Variants in NAALADL2 observed in about 807,000 individuals in gnomAD.
The protein encoded by NAALADL2 is inactive N-acetylated-alpha-linked acidic dipeptidase-like protein 2.
In NAALADL2, 76 loss-of-function variants were observed where a neutral mutation model predicts 87.2. The ratio of observed to expected loss-of-function variants is 0.87; its 90% CI spans 0.72 to 1.05. The LOEUF (loss-of-function observed/expected upper bound fraction) is 1.05, where lower values mean the gene tolerates loss of function less well. Among genes scored for constraint, NAALADL2 ranks in the 50% least tolerant of loss-of-function variants. The probability of loss-of-function intolerance (pLI) is 0.00; values close to 1 mark genes in which losing one functional copy is unlikely to be tolerated. For missense variants in NAALADL2, 1,089 were observed against 945.8 expected, an observed-to-expected ratio of 1.15 and a Z score of -1.99; for synonymous variants, 354 against 331.0, an observed-to-expected ratio of 1.07 and a Z score of -0.75.
At chr3:174,791,394 C>T (rs1029920050) in intron 3 of NAALADL2, among the ~76,000 whole-genome samples, 8 of 152,152 alleles carry the variant, frequency 5.3e-5, no homozygotes, top group Non-Finnish European at 1.2e-4. Context: ...CTCAGAGAGA[C>T]CATCCATCCT....
At chr3:174,608,010 A>G (rs919518377) in intron 2 of NAALADL2, among the ~76,000 whole-genome samples, 2 of 152,186 alleles carry the variant, frequency 1.3e-5, no homozygotes, top group African/African-American at 4.8e-5. Flanking sequence ...GGATTAAGAA[A>G]CTCACTCAAA....
intron 9 of NAALADL2, among the ~76,000 whole-genome samples, chr3:175,549,848 A>G (rs1714047448): frequency 6.6e-6 from 1 of 152,060 alleles, no homozygotes; most frequent in Non-Finnish European, 1.5e-5. Flanking sequence ...GGGCCTGTTA[A>G]TTGAACTGAC....
At chr3:175,412,927 A>ATTATTATTATTATTT (rs1216480862) in intron 5 of NAALADL2, among the ~76,000 whole-genome samples, 2 of 145,632 alleles carry the variant, frequency 1.4e-5, no homozygotes, top group Non-Finnish European at 3.0e-5. Flanking sequence ...TATTATTATT[A>ATTATTATTATTATTT]TTTTTGAGAC....
intron 3 of NAALADL2, among the ~76,000 whole-genome samples, chr3:174,817,588 G>T (rs750872806): frequency 3.3e-5 from 5 of 151,838 alleles, no homozygotes; most frequent in Non-Finnish European, 5.9e-5. Flanking sequence ...GTTGTCAGAG[G>T]GAGACACTGT....
intron 10 of NAALADL2, among the ~76,000 whole-genome samples, chr3:175,589,313 A>T (rs201533235): frequency 1.0e-4 from 1 of 10,014 alleles, no homozygotes. Flanking sequence ...GTACTGGTAA[A>T]TAAATGGATA....
intron 9 of NAALADL2, among the ~76,000 whole-genome samples, chr3:175,540,863 T>C (rs1351201558): frequency 6.6e-6 from 1 of 152,126 alleles, no homozygotes; most frequent in Admixed American, 6.6e-5. Flanking sequence ...ACTTCGATAA[T>C]ATTAAAGAGC....
At chr3:175,438,574 T>G (rs1273307020) in intron 5 of NAALADL2, among the ~76,000 whole-genome samples, 1 of 152,106 alleles carries the variant, frequency 6.6e-6, no homozygotes, top group East Asian at 1.9e-4. Flanking sequence ...AATCTCAGTT[T>G]TTTTCAGCTC....
chr3:175,619,280 A>AAG (rs1725858869), intron 10 of NAALADL2, among the ~76,000 whole-genome samples: 1 of 150,850 alleles, frequency 6.6e-6, no homozygotes, highest in Non-Finnish European at 1.5e-5. Context: ...GAAGGAAAGA[A>AAG]AGAAAGAAGG....
At chr3:174,751,858 ATGTGTGTG>A (rs148978072) in intron 3 of NAALADL2, among the ~76,000 whole-genome samples, 3 of 151,058 alleles carry the variant, frequency 2.0e-5, no homozygotes, top group African/African-American at 4.9e-5. Context: ...TTATGTATGT[ATGTGTGTG>A]TGTGTGTGTG....
chr3:175,356,052 A>G (rs1230463027), intron 5 of NAALADL2, among the ~76,000 whole-genome samples: 1 of 152,154 alleles, frequency 6.6e-6, no homozygotes, highest in Non-Finnish European at 1.5e-5. Flanking sequence ...AAACAGTTTC[A>G]ATAGGGATTT....
Position 175,805,344 on chromosome 3 carries a change from A to ACCTT in NAALADL2, c.*2143_*2146dup, listed in dbSNP as rs1204199938. On this transcript the variant is annotated 3_prime_UTR_variant, in exon 14 of 14. Coordinates refer to ENST00000454872, the MANE Select transcript of NAALADL2 (RefSeq NM_207015.3). ...GGTAAGTCACACTGTATAGATAAAAACCTTCTTCTGTATTCCTCACCTCTA... is the reference window on the plus strand; with the variant it reads ...GGTAAGTCACACTGTATAGATAAAAACCTTCCTTCTTCTGTATTCCTCACCTCTA... The ACCTT allele has an allele frequency of 5.3e-5, 8 of 151,812 alleles. No individual in the cohort carries two copies. The highest frequency in any genetic ancestry group is 1.9e-4 in the African/African-American group (8 of 41,374). The allele number at this position is 151,812 out of a possible 1,614,324, so 9.4% of individuals were successfully genotyped here.
chr3:174,787,599 A>ATACATATATATATATATATATATATATG (rs1560225659), intron 3 of NAALADL2, among the ~76,000 whole-genome samples: 1 of 67,868 alleles, frequency 1.5e-5, no homozygotes, highest in Admixed American at 1.4e-4. Flanking sequence ...ATATATATAT[A>ATACATATATATATATATATATATATATG]TATATATATA....
chr3:174,539,545 C>T (rs1267641817), intron 1 of NAALADL2, among the ~76,000 whole-genome samples: 3 of 152,114 alleles, frequency 2.0e-5, no homozygotes, highest in African/African-American at 7.2e-5. Context: ...ACCTGCCTTT[C>T]TGGCGTTATT....
chr3:175,391,520 G>A (rs1769067520), intron 5 of NAALADL2, among the ~76,000 whole-genome samples: 1 of 152,164 alleles, frequency 6.6e-6, no homozygotes, highest in South Asian at 2.1e-4. Context: ...ACCCAGTGGG[G>A]GAAGTAAGGC....
intron 2 of NAALADL2, among the ~76,000 whole-genome samples, chr3:174,645,621 T>G (rs1723703060): frequency 6.6e-6 from 1 of 152,226 alleles, no homozygotes; most frequent in African/African-American, 2.4e-5. Context: ...AAAGGTAATT[T>G]ATTTTTCTGT....
At chr3:175,569,328 TA>T (rs1420732378) in intron 9 of NAALADL2, among the ~76,000 whole-genome samples, 3 of 152,186 alleles carry the variant, frequency 2.0e-5, no homozygotes, top group Non-Finnish European at 2.9e-5. Context: ...AGTTAGAAAT[TA>T]AAGTTTAATT....
At chr3:174,951,937 T>C (rs1446264149) in intron 1 of NAALADL2, among the ~76,000 whole-genome samples, 1 of 152,100 alleles carries the variant, frequency 6.6e-6, no homozygotes, top group African/African-American at 2.4e-5. Context: ...ACCAAGCTCT[T>C]CAGTTTTCTA....
intron 2 of NAALADL2, among the ~76,000 whole-genome samples, chr3:174,657,620 C>T (rs778788288): frequency 5.9e-5 from 9 of 152,266 alleles, no homozygotes; most frequent in South Asian, 2.1e-4. Context: ...ACTGTATCAG[C>T]GTCTCATTAT....
At chr3:174,684,407 A>C (rs1727843818) in intron 2 of NAALADL2, among the ~76,000 whole-genome samples, 1 of 152,140 alleles carries the variant, frequency 6.6e-6, no homozygotes, top group Non-Finnish European at 1.5e-5. Context: ...TTATTCATTG[A>C]AATTATTCCC....
Sources: gnomAD v4.1 joint callset for allele counts (sites outside exome capture counted in the v4.1 genomes callset) on GRCh38, gnomAD v4.1.1 for gene constraint, MANE v1.5 for transcripts, NCBI Gene and HGNC (gene_info 2026-07-23, HGNC 2026-07-21) for gene names.